LUZP1: variants seen among roughly 807,000 people sequenced by gnomAD.
LUZP1 encodes filamin mechanobinding actin cross-linking protein.
LUZP1 carries 25 observed loss-of-function variants against 71.3 expected under a neutral mutation model. The ratio of observed to expected loss-of-function variants is 0.35; its 90% CI spans 0.26 to 0.49. The LOEUF is 0.49. LUZP1 is among the 20% of genes least tolerant of loss of function. LUZP1 has a pLI of 0.99. For synonymous variants in LUZP1, 481 were observed against 506.4 expected, an observed-to-expected ratio of 0.95 and a Z score of 0.67; for missense variants, 1,142 against 1,300.8, an observed-to-expected ratio of 0.88 and a Z score of 1.88.
chr1:23,139,141 A>C (rs1644283753), intron 2 of LUZP1, among the ~76,000 whole-genome samples: 1 of 148,306 alleles, frequency 6.7e-6, no homozygotes, highest in Admixed American at 6.9e-5. Flanking sequence ...ACACACAGAC[A>C]CCAAAGCGTA....
intron 2 of LUZP1, among the ~76,000 whole-genome samples, chr1:23,153,114 G>T (rs1644396484): frequency 6.6e-6 from 1 of 152,108 alleles, no homozygotes; most frequent in Non-Finnish European, 1.5e-5. Flanking sequence ...ATTCCCAAAT[G>T]TTAGCAAGAT....
chr1:23,173,865 C>A (rs949037831), intron 1 of LUZP1, among the ~76,000 whole-genome samples: 11 of 152,078 alleles, frequency 7.2e-5, no homozygotes, highest in African/African-American at 2.7e-4. Flanking sequence ...TTCACTTTCT[C>A]CCCTGACCCT....
At chr1:23,116,250 G>A (rs1331080027) in intron 2 of LUZP1, among the ~76,000 whole-genome samples, 4 of 152,152 alleles carry the variant, frequency 2.6e-5, no homozygotes, top group Non-Finnish European at 5.9e-5. Flanking sequence ...GTGTGGTGGC[G>A]TATGCCTGTA....
chr1:23,115,114 C>T (rs914744723), intron 2 of LUZP1, among the ~76,000 whole-genome samples: 1 of 152,164 alleles, frequency 6.6e-6, no homozygotes, highest in Admixed American at 6.5e-5. Flanking sequence ...ATACTTAAAT[C>T]GCATCAATAA....
intron 2 of LUZP1, among the ~76,000 whole-genome samples, chr1:23,139,009 AAAAAAAAAAAATATATATAT>A (rs1644279044): frequency 1.0e-5 from 1 of 99,376 alleles, no homozygotes; most frequent in African/African-American, 4.8e-5. Context: ...AAAAAAAAAA[AAAAAAAAAAAATATATATAT>A]ATATATATAT....
At chr1:23,147,010 T>C (rs985817043) in intron 2 of LUZP1, among the ~76,000 whole-genome samples, 2 of 151,250 alleles carry the variant, frequency 1.3e-5, no homozygotes, top group Non-Finnish European at 2.9e-5. Context: ...GGCAGGAGAA[T>C]GGCGTGAGCC....
At chr1:23,108,865 G>C (rs997691536) in intron 3 of LUZP1, among the ~76,000 whole-genome samples, 157 bp downstream of exon 2, 1 of 152,146 alleles carries the variant, frequency 6.6e-6, no homozygotes, top group Non-Finnish European at 1.5e-5. Flanking sequence ...CCCTCATCAG[G>C]TTGGTTGGTT....
chr1:23,157,110 G>A (rs888402782), intron 2 of LUZP1, among the ~76,000 whole-genome samples: 1 of 152,220 alleles, frequency 6.6e-6, no homozygotes, highest in African/African-American at 2.4e-5. Flanking sequence ...AAGGTATGAG[G>A]ATCACTGAGC....
chr1:23,152,917 C>CA (rs1644395278), intron 2 of LUZP1, among the ~76,000 whole-genome samples: 1 of 152,070 alleles, frequency 6.6e-6, no homozygotes, highest in Non-Finnish European at 1.5e-5. Context: ...CTTCCTTCTC[C>CA]AAAATCTCTC....
At chr1:23,120,486 CAAGTATCTGTGCACCAA>C (rs1279309745) in intron 2 of LUZP1, among the ~76,000 whole-genome samples, 1 of 151,988 alleles carries the variant, frequency 6.6e-6, no homozygotes, top group African/African-American at 2.4e-5. Context: ...CTCAGCCTCC[CAAGTATCTGTGCACCAA>C]AATGCCCAGC....
intron 2 of LUZP1, among the ~76,000 whole-genome samples, chr1:23,125,311 G>C (rs1385200839): frequency 1.3e-5 from 2 of 152,158 alleles, no homozygotes; most frequent in African/African-American, 4.8e-5. Flanking sequence ...TAAGGATCTA[G>C]CTGGACCATC....
intron 2 of LUZP1, among the ~76,000 whole-genome samples, chr1:23,112,922 C>T (rs1481356813): frequency 6.6e-6 from 1 of 152,204 alleles, no homozygotes; most frequent in Non-Finnish European, 1.5e-5. Flanking sequence ...CCAAAGACCT[C>T]AGTTAAAGAG....
At chr1:23,102,750 A>G (rs1287001786) in intron 3 of LUZP1, among the ~76,000 whole-genome samples, 1 of 152,146 alleles carries the variant, frequency 6.6e-6, no homozygotes, top group African/African-American at 2.4e-5. Flanking sequence ...GCTTGAGGCC[A>G]GGAGTTCAAG....
At chr1:23,115,054 A>T (rs1168748720) in intron 2 of LUZP1, among the ~76,000 whole-genome samples, 2 of 152,258 alleles carry the variant, frequency 1.3e-5, no homozygotes, top group East Asian at 3.8e-4. Context: ...ACCTCATGTT[A>T]TATAAATTAT....
rs371149471 is a variant in LUZP1 at position 23,158,467 on chromosome 1, G to A, written c.-226+10299C>T. 7.9e-5 allele frequency among the ~76,000 whole-genome samples: 12 copies of A among 151,932 alleles called. No homozygotes were observed. In the East Asian group the frequency reaches 1.7e-3, roughly 22 times the overall value. ...AGTTCGAGACCAGCCTGGCCAACAT[G>A]GCAAAACCCTGCCTACTAAAAATAC... On this transcript the variant is annotated intron_variant, in intron 2 of 4. Coordinates refer to ENST00000302291, the Ensembl canonical transcript of LUZP1.
chr1:23,141,262 A>T (rs1644300525), intron 2 of LUZP1: 1 of 152,302 alleles, frequency 6.6e-6, no homozygotes, highest in African/African-American at 2.4e-5. Flanking sequence ...CTTTGAGTTC[A>T]GGGGAGCCAG....
rs567798124 is a variant in LUZP1 at position 23,145,303 on chromosome 1, T to C, written c.-226+23463A>G. Among the ~76,000 whole-genome samples, 23 of 152,256 alleles carry C rather than the reference T, an allele frequency of 1.5e-4. No homozygotes were observed. The South Asian group carries it at 4.3e-3, about 29-fold the overall frequency. On this transcript the variant is annotated intron_variant, in intron 2 of 4. Transcript: ENST00000302291. ...CAGACTCTAGACCCTACCTCTCTCA[T>C]AGGAACGCTATTTGAAGGAAATGTT...
At chr1:23,101,912 T>C (rs1643934500) in intron 3 of LUZP1, among the ~76,000 whole-genome samples, 1 of 152,166 alleles carries the variant, frequency 6.6e-6, no homozygotes, top group African/African-American at 2.4e-5. Context: ...GTAGAAAATC[T>C]TACCCTTGCC....
intron 2 of LUZP1, among the ~76,000 whole-genome samples, chr1:23,124,782 C>T (rs1044597929): frequency 3.3e-5 from 5 of 152,140 alleles, no homozygotes; most frequent in Non-Finnish European, 7.3e-5. Flanking sequence ...ATCCACATCA[C>T]CTGACTTCAT....
Sources: allele counts gnomAD v4.1 joint callset (sites outside exome capture counted in the v4.1 genomes callset), GRCh38; gene constraint gnomAD v4.1.1; transcripts MANE v1.5; gene names NCBI Gene and HGNC (gene_info 2026-07-23, HGNC 2026-07-21).